The following OSCP1 variants were observed in gnomAD, a reference collection of about 807,000 sequenced individuals.
OSCP1 encodes protein OSCP1.
In OSCP1, 35 loss-of-function variants were observed where a neutral mutation model predicts 45.1. The ratio of observed to expected loss-of-function variants is 0.78; its 90% confidence interval spans 0.59 to 1.03. OSCP1 has a LOEUF of 1.03. Ranked by LOEUF, OSCP1 falls within the 50% of genes least tolerant of loss-of-function variation. The probability of loss-of-function intolerance (pLI) is 0.00; values close to 1 mark genes in which losing one functional copy is unlikely to be tolerated. For missense variants in OSCP1, 400 were observed against 470.7 expected (o/e 0.85, Z 1.39); for synonymous variants, 179 against 180.1 (o/e 0.99, Z 0.05).
chr1:36,444,115 C>T, intron 1 of OSCP1: 1 of 1,463,276 alleles, frequency 6.8e-7, no homozygotes, highest in Non-Finnish European at 9.6e-7. Flanking sequence ...ATACCAATTC[C>T]AATGATCTTA....
chr1:36,432,629 C>A lies in OSCP1; in HGVS notation c.268-40G>T, dbSNP rs201565126. The A allele has an allele frequency of 3.1e-6, 5 of 1,611,862 alleles. No homozygotes were observed. In the African/African-American group the frequency reaches 4.0e-5, roughly 13 times the overall value. On this transcript the variant is annotated intron_variant, in intron 2 of 9. Transcript: ENST00000235532. ...ACAAGCAAAAGAAATGGGATCATAT[C>A]AAAATCAGGTGTGAGAATCTCCAAA... is the stretch of plus-strand genomic sequence containing the variant.
chr1:36,423,004 C>A (rs1320414647), intron 5 of OSCP1, 108 bp from the exon 6 acceptor site: 24 of 793,116 alleles, frequency 3.0e-5, no homozygotes, highest in Non-Finnish European at 3.6e-5. Context: ...TGCTCTCCTT[C>A]AAGATAAAGG....
intron 1 of OSCP1, chr1:36,440,902 C>CTGCT (rs1649096675): frequency 6.6e-6 from 1 of 152,204 alleles, no homozygotes; most frequent in African/African-American, 2.4e-5. Flanking sequence ...TTACAAAGGG[C>CTGCT]TGCTATTCAC....
Position 36,447,402 on chromosome 1 carries a change from A to G in OSCP1, c.112+2856T>C, listed in dbSNP as rs566561850. 5.3e-5 allele frequency among the ~76,000 whole-genome samples: 8 copies of G among 152,280 alleles called. No homozygotes were observed. Among genetic ancestry groups the G allele is most frequent in the African/African-American group, 1.9e-4 (8 of 41,560 alleles). On this transcript the variant is annotated intron_variant, in intron 1 of 9. Transcript: ENST00000235532. The surrounding 1 kb of genome is among the most constrained non-coding windows in gnomAD (Gnocchi z 4.1). ...TCCTCCTGACCTACCAACCCCCACT[A>G]AGATTCTGATATAGTCCCCAAGGTA...
chr1:36,435,110 T>C (rs1340610406), intron 2 of OSCP1, among the ~76,000 whole-genome samples: 3 of 140,208 alleles, frequency 2.1e-5, no homozygotes, highest in African/African-American at 7.8e-5. Flanking sequence ...TTTTTTTTTT[T>C]TGACATGGGG....
intron 4 of OSCP1, 57 bp downstream of exon 4, chr1:36,431,745 G>T (rs781541936): frequency 2.6e-5 from 41 of 1,551,908 alleles, no homozygotes; most frequent in South Asian, 3.4e-5. Flanking sequence ...TGACTACCAG[G>T]GTTGTTTCCC....
intron 1 of OSCP1, among the ~76,000 whole-genome samples, chr1:36,446,215 T>A (rs1197091853): frequency 7.3e-6 from 1 of 136,394 alleles, no homozygotes; most frequent in Non-Finnish European, 1.6e-5. Flanking sequence ...TAGAGATGGG[T>A]TTTCACCATG....
In OSCP1 at chr1:36,419,114, C is replaced by T. The variant is rs961884620; in HGVS notation, c.960-60G>A. The T allele has an allele frequency of 1.2e-4, 182 of 1,460,226 alleles. 1 individual carries two copies. The highest frequency in any genetic ancestry group is 1.9e-4 in the Admixed American group (11 of 59,050). The allele number at this position is 1,460,226 out of a possible 1,614,324, so 90.5% of individuals were successfully genotyped here. Reference sequence around the variant, plus strand: ...TAGGGTTCTTTCCCTGCCAGCATGGCAAACTGGCTCTTGATCAGTTGGCAA... The same window carrying T: ...TAGGGTTCTTTCCCTGCCAGCATGGTAAACTGGCTCTTGATCAGTTGGCAA... On this transcript the variant is annotated intron_variant, in intron 8 of 9. Transcript: ENST00000235532.
At position 36,432,541 on chromosome 1, in the gene OSCP1, G is replaced by C. The variant is rs766831925; in HGVS notation, c.316C>G (p.Pro106Ala). The C allele has an allele frequency of 1.2e-6, 2 of 1,614,094 alleles. No homozygotes were observed. Among genetic ancestry groups the C allele is most frequent in the Non-Finnish European group, 1.7e-6 (2 of 1,180,012 alleles). ...MAFKYQVLLCPRPKDVLLVTF... is the reference protein window; with the variant it reads ...MAFKYQVLLCARPKDVLLVTF... ...ACCAGCAGCACATCCTTGGGTCGGG[G>C]ACACAGCAATACTTGATATTTGAAA... Residue 106 changes from proline (P) to alanine (A), a missense_variant, in exon 3 of 10, where the codon CCC becomes GCC. By Grantham distance (27) the Pro-to-Ala change is conservative (BLOSUM62 -1). Coordinates refer to ENST00000235532, the MANE Select transcript of OSCP1 (RefSeq NM_145047.5).
chr1:36,428,476 C>T (rs774857583), intron 4 of OSCP1: 2 of 1,613,128 alleles, frequency 1.2e-6, no homozygotes, highest in East Asian at 4.5e-5. Flanking sequence ...AGCACTCTCT[C>T]TGTATATGCA....
chr1:36,422,878 A>G lies in OSCP1; in HGVS notation c.639T>C (p.Gly213=). 6.2e-7 allele frequency: 1 copy of G among 1,605,382 alleles called. No homozygotes were observed. The highest frequency in any genetic ancestry group is 8.5e-7 in the Non-Finnish European group (1 of 1,175,462). ...PGLIRMFNNK[G]EEVKRIEFKH... is the part of the protein sequence containing the mutation. ...TGAATTCTATCCTCTTCACTTCTTC[A>G]CCTTTGTTGTTGAACATTCTACAAT... Residue 213 remains glycine, a synonymous_variant, in exon 6 of 10, where the codon GGT becomes GGC. Transcript: ENST00000235532.
Position 36,436,096 on chromosome 1 carries a change from C to A in OSCP1, c.267+2660G>T, listed in dbSNP as rs370336075. On this transcript the variant is annotated intron_variant, in intron 2 of 9. Coordinates refer to ENST00000235532, the MANE Select transcript of OSCP1 (RefSeq NM_145047.5). Reference sequence around the variant, plus strand: ...TGATTTTTAAAATTTTTCTTTCTCTCTCTCTCTATTTTTTTTTTTTTTTTT... The same window carrying A: ...TGATTTTTAAAATTTTTCTTTCTCTATCTCTCTATTTTTTTTTTTTTTTTT... Among the ~76,000 whole-genome samples the A allele has an allele frequency of 8.4e-4, 102 of 122,102 alleles. 1 individual carries two copies. The highest frequency in any genetic ancestry group is 2.6e-3 in the Admixed American group (30 of 11,714). 80.1% of individuals were successfully genotyped at this position (122,102 alleles called of 152,430 possible).
chr1:36,434,795 A>G (rs1303626224), intron 2 of OSCP1, among the ~76,000 whole-genome samples: 1 of 151,684 alleles, frequency 6.6e-6, no homozygotes, highest in African/African-American at 2.4e-5. Context: ...GCCCCAGAAA[A>G]CAGGAATAGC....
intron 1 of OSCP1, among the ~76,000 whole-genome samples, chr1:36,449,461 A>G (rs1377112070): frequency 1.3e-5 from 2 of 152,096 alleles, no homozygotes; most frequent in Non-Finnish European, 2.9e-5. Context: ...ATTTTAGAAC[A>G]CCAAATTTCT....
chr1:36,430,300 C>T (rs943479734), intron 4 of OSCP1, among the ~76,000 whole-genome samples: 12 of 152,150 alleles, frequency 7.9e-5, no homozygotes, highest in African/African-American at 2.7e-4. Flanking sequence ...CTTGGCCTCC[C>T]AAAGTGCTAG....
intron 4 of OSCP1, among the ~76,000 whole-genome samples, chr1:36,429,862 G>A (rs1648244615): frequency 6.8e-6 from 1 of 147,836 alleles, no homozygotes; most frequent in South Asian, 2.1e-4. Flanking sequence ...CCAGGCTAGA[G>A]TGCAGTGGCA....
chr1:36,424,395 A>G (rs1378228329), intron 4 of OSCP1, among the ~76,000 whole-genome samples: 1 of 152,216 alleles, frequency 6.6e-6, no homozygotes, highest in Non-Finnish European at 1.5e-5. Flanking sequence ...GGTGACTCCA[A>G]ATTCCACCCG....
chr1:36,433,547 A>G lies in OSCP1; in HGVS notation c.268-958T>C, dbSNP rs144957023. On this transcript the variant is annotated intron_variant, in intron 2 of 9. Transcript: ENST00000235532. ...GCTGAAAAACTAACTATTGGGTACTATGCTGACTACCTGACTGATGGGCTC... is the reference window on the plus strand; with the variant it reads ...GCTGAAAAACTAACTATTGGGTACTGTGCTGACTACCTGACTGATGGGCTC... Among the ~76,000 whole-genome samples, 86 of 152,274 alleles carry G rather than the reference A, an allele frequency of 5.6e-4. 1 individual carries two copies. The East Asian group carries it at 0.012, about 21-fold the overall frequency.
intron 2 of OSCP1, among the ~76,000 whole-genome samples, chr1:36,436,972 G>T (rs536626222): frequency 6.6e-6 from 1 of 152,332 alleles, no homozygotes; most frequent in East Asian, 1.9e-4. Flanking sequence ...GAGTTTTGGG[G>T]AGGAAGACCA....
Sources: allele counts gnomAD v4.1 joint callset (sites outside exome capture counted in the v4.1 genomes callset), GRCh38; gene constraint gnomAD v4.1.1; non-coding constraint Gnocchi (gnomAD v3.1); transcripts MANE v1.5; gene names NCBI Gene and HGNC (gene_info 2026-07-23, HGNC 2026-07-21).